SLC39A10: variants seen among roughly 807,000 people sequenced by gnomAD.
The protein encoded by SLC39A10 is zinc transporter ZIP10.
In SLC39A10, 13 loss-of-function variants were observed where a neutral mutation model predicts 65.1. The ratio of observed to expected loss-of-function variants is 0.20; its 90% CI spans 0.13 to 0.32. The LOEUF (loss-of-function observed/expected upper bound fraction) is 0.32. SLC39A10 is among the 10% of genes least tolerant of loss of function. The pLI, the probability that SLC39A10 is intolerant of heterozygous loss-of-function variation, is 1.00. For missense variants in SLC39A10, 831 were observed against 1,018.4 expected, an observed-to-expected ratio of 0.82 and a Z score of 2.50; for synonymous variants, 321 against 342.2, an observed-to-expected ratio of 0.94 and a Z score of 0.68.
At chr2:195,641,584 G>GT (rs1478801028) in intron 2 of SLC39A10, among the ~76,000 whole-genome samples, 1 of 151,760 alleles carries the variant, frequency 6.6e-6, no homozygotes, top group Non-Finnish European at 1.5e-5. Context: ...GAAATCCAAC[G>GT]TATGTTTTAT....
At chr2:195,616,690 G>A (rs1306642142) in intron 2 of SLC39A10, among the ~76,000 whole-genome samples, 2 of 151,292 alleles carry the variant, frequency 1.3e-5, no homozygotes, top group Admixed American at 6.6e-5. Context: ...TGCAAGCTCC[G>A]CCTCCCAGGT....
At chr2:195,715,608 A>T (rs2105825015) in intron 6 of SLC39A10, among the ~76,000 whole-genome samples, 1 of 152,240 alleles carries the variant, frequency 6.6e-6, no homozygotes, top group Admixed American at 6.5e-5. Context: ...TTACAAATAA[A>T]TATAAAGAAG....
chr2:195,713,111 C>T (rs939726158), intron 5 of SLC39A10, among the ~76,000 whole-genome samples: 3 of 152,140 alleles, frequency 2.0e-5, no homozygotes, highest in Admixed American at 1.3e-4. Context: ...TGTTACCTTA[C>T]ACTATTGGAT....
rs1692629794 is a variant in SLC39A10 at position 195,736,845 on chromosome 2, AT to A, written c.*1808del. ...AGCAACCTAGCTAAAAGGTGCTGAT[AT>A]TTTATTTAGTACTGCCAACTTCAAG... On this transcript the variant is annotated 3_prime_UTR_variant, in exon 10 of 10. Transcript: ENST00000359634. 2 of 152,352 alleles carry A rather than the reference AT, an allele frequency of 1.3e-5. No homozygotes were observed. The highest frequency in any genetic ancestry group is 4.2e-4 in the South Asian group (2 of 4,812). The allele number at this position is 152,352 out of a possible 1,614,324, so 9.4% of individuals were successfully genotyped here.
chr2:195,734,514 TGTG>T (rs1317382123), intron 9 of SLC39A10, among the ~76,000 whole-genome samples: 4 of 152,188 alleles, frequency 2.6e-5, no homozygotes, highest in Admixed American at 6.5e-5. Context: ...ATGTGGGAAT[TGTG>T]GTGATCGGTT....
intron 2 of SLC39A10, among the ~76,000 whole-genome samples, chr2:195,630,666 G>A (rs1186801583): frequency 2.6e-5 from 4 of 152,204 alleles, no homozygotes; most frequent in Admixed American, 6.5e-5. Context: ...GTTATGAACC[G>A]GGAACCATGG....
chr2:195,696,068 G>T (rs1235380621), intron 3 of SLC39A10, among the ~76,000 whole-genome samples: 1 of 152,032 alleles, frequency 6.6e-6, no homozygotes, highest in Admixed American at 6.6e-5. Flanking sequence ...AAATGATCTT[G>T]CACCCTTGTC....
intron 2 of SLC39A10, among the ~76,000 whole-genome samples, chr2:195,635,699 C>CA (rs1423725182): frequency 4.8e-5 from 2 of 41,642 alleles, no homozygotes; most frequent in East Asian, 5.7e-3. Flanking sequence ...TTTTGTGGAA[C>CA]CCCCCCCACT....
intron 1 of SLC39A10, among the ~76,000 whole-genome samples, chr2:195,663,702 G>GA (rs58084192): frequency 6.1e-4 from 63 of 102,600 alleles, no homozygotes; most frequent in African/African-American, 1.8e-3. Context: ...TAGAAGTTAT[G>GA]AAAAAAAAAG....
At chr2:195,614,829 G>A (rs1369933765) in intron 2 of SLC39A10, among the ~76,000 whole-genome samples, 1 of 152,148 alleles carries the variant, frequency 6.6e-6, no homozygotes, top group Admixed American at 6.6e-5. Context: ...TGAGGTGGCA[G>A]GATCACTTGA....
At chr2:195,626,622 T>G (rs1688480432) in intron 2 of SLC39A10, among the ~76,000 whole-genome samples, 1 of 152,112 alleles carries the variant, frequency 6.6e-6, no homozygotes, top group African/African-American at 2.4e-5. Context: ...CTTACATAAT[T>G]ATGTAGAAAT....
At chr2:195,623,179 C>T (rs1374241820) in intron 2 of SLC39A10, among the ~76,000 whole-genome samples, 1 of 151,996 alleles carries the variant, frequency 6.6e-6, no homozygotes, top group African/African-American at 2.4e-5. Context: ...GTAAATGAAT[C>T]ACTTCCCTTC....
At chr2:195,694,986 C>A (rs771655738) in intron 3 of SLC39A10, among the ~76,000 whole-genome samples, 7 of 152,100 alleles carry the variant, frequency 4.6e-5, no homozygotes, top group Non-Finnish European at 7.4e-5. Context: ...TCCGCGGGGC[C>A]GGAGTCCCTG....
chr2:195,679,657 TTTCTA>T (rs1690228051), intron 1 of SLC39A10, among the ~76,000 whole-genome samples: 1 of 152,208 alleles, frequency 6.6e-6, no homozygotes, highest in South Asian at 2.1e-4. Context: ...ATTTCTCTCT[TTTCTA>T]TGTAAAGTTC....
intron 3 of SLC39A10, among the ~76,000 whole-genome samples, chr2:195,703,450 A>G (rs1239328622): frequency 6.6e-6 from 1 of 152,206 alleles, no homozygotes; most frequent in African/African-American, 2.4e-5. Context: ...TATAGGATCA[A>G]TTTTAGTCCT....
At position 195,716,773 on chromosome 2, in the gene SLC39A10, T is replaced by A. The variant is rs1197618285; in HGVS notation, c.1833T>A (p.Asp611Glu). The change falls in exon 7 of 10, where the codon GAT (aspartate) becomes GAA (glutamate). Residue 611 changes from aspartate (D) to glutamate (E), a missense_variant. Physicochemically the swap from Asp to Glu is conservative, Grantham distance 45. Transcript: ENST00000359634. Reference protein sequence around the residue: ...EEKIIDHSHSDGLHTIHEHDL... With the variant: ...EEKIIDHSHSEGLHTIHEHDL... ...AAATCATAGACCATTCTCACAGTGA[T>A]GGATTACATACCATTCATGAGCATG... 1.2e-6 allele frequency: 2 copies of A among 1,614,066 alleles called. No individual in the cohort carries two copies. The highest frequency in any genetic ancestry group is 1.7e-6 in the Non-Finnish European group (2 of 1,180,030).
In SLC39A10 at chr2:195,701,685, G is replaced by GT. The variant is rs1045069402; in HGVS notation, c.1217-4925dup. Among the ~76,000 whole-genome samples, 5 of 151,032 alleles carry GT rather than the reference G, an allele frequency of 3.3e-5. No homozygotes were observed. The South Asian group carries it at 6.3e-4, about 19-fold the overall frequency. On this transcript the variant is annotated intron_variant, in intron 3 of 9. Transcript: ENST00000359634. ...CATAAGATTTTCACAGGTTTTTTTT[G>GT]TTTTTTGTTTTTTTGAGACAGGATC...
chr2:195,653,401 C>T (rs1219495942), upstream of SLC39A10, among the ~76,000 whole-genome samples: 1 of 151,368 alleles, frequency 6.6e-6, no homozygotes, highest in Non-Finnish European at 1.5e-5. Context: ...TCAAGCGAGT[C>T]TCCCTGCCTT....
intron 2 of SLC39A10, among the ~76,000 whole-genome samples, chr2:195,614,860 C>T (rs999008534): frequency 1.3e-5 from 2 of 152,030 alleles, no homozygotes; most frequent in Non-Finnish European, 2.9e-5. Context: ...TTGAGACCAA[C>T]CTAGGCAACA....
Sources: allele counts gnomAD v4.1 joint callset (sites outside exome capture counted in the v4.1 genomes callset), GRCh38; gene constraint gnomAD v4.1.1; transcripts MANE v1.5; gene names NCBI Gene and HGNC (gene_info 2026-07-23, HGNC 2026-07-21).